The following LIN52 variants were observed in gnomAD, a reference collection of about 807,000 sequenced individuals.
LIN52 encodes the protein lin-52 DREAM MuvB core complex component, also known as protein lin-52 homolog.
LIN52 carries 4 observed loss-of-function variants against 18.5 expected under a neutral mutation model. The observed-to-expected ratio is 0.22, with a 90% confidence interval of 0.11 to 0.49. LIN52 has a LOEUF of 0.49. Ranked by LOEUF, LIN52 falls within the 20% of genes least tolerant of loss-of-function variation. The pLI, the probability that LIN52 is intolerant of heterozygous loss-of-function variation, is 0.97. For synonymous variants in LIN52, 34 were observed against 45.5 expected (o/e 0.75, Z 1.02); for missense variants, 102 against 139.5 (o/e 0.73, Z 1.35).
intron 1 of LIN52, among the ~76,000 whole-genome samples, chr14:74,088,486 G>A (rs768343567): frequency 6.6e-6 from 1 of 152,126 alleles, no homozygotes; most frequent in Non-Finnish European, 1.5e-5. Context: ...GCTTCCCAAA[G>A]CACTGGGATT....
chr14:74,169,124 T>C (rs1393004102), intron 5 of LIN52, among the ~76,000 whole-genome samples: 1 of 152,188 alleles, frequency 6.6e-6, no homozygotes, highest in Non-Finnish European at 1.5e-5. Flanking sequence ...GCCTTGAAAA[T>C]GAAGCACATT....
chr14:74,130,650 A>G (rs1168243375), intron 5 of LIN52, among the ~76,000 whole-genome samples: 1 of 123,684 alleles, frequency 8.1e-6, no homozygotes. Context: ...GCTGGAGTTC[A>G]GTGGTCTTGG....
At chr14:74,111,944 G>C (rs1250070615) in intron 5 of LIN52, among the ~76,000 whole-genome samples, 3 of 150,904 alleles carry the variant, frequency 2.0e-5, no homozygotes, top group Non-Finnish European at 3.0e-5. Context: ...GCAATGGCGT[G>C]ATCTCAGCTC....
At chr14:74,138,195 C>T (rs949496501) in intron 5 of LIN52, among the ~76,000 whole-genome samples, 2 of 152,140 alleles carry the variant, frequency 1.3e-5, no homozygotes, top group African/African-American at 4.8e-5. Context: ...GTGTTCCGCA[C>T]ATTCAGAAAA....
At chr14:74,119,580 T>C (rs556342534) in intron 5 of LIN52, among the ~76,000 whole-genome samples, 7 of 152,324 alleles carry the variant, frequency 4.6e-5, no homozygotes, top group African/African-American at 1.7e-4. Flanking sequence ...CCAAAGTGGT[T>C]ATATCAATTT....
At chr14:74,137,787 C>G (rs549915106) in intron 5 of LIN52, among the ~76,000 whole-genome samples, 3 of 152,024 alleles carry the variant, frequency 2.0e-5, no homozygotes, top group Non-Finnish European at 4.4e-5. Flanking sequence ...CATGAGCCAC[C>G]GCGCCTGGCC....
chr14:74,160,632 C>T (rs2024245), intron 5 of LIN52, among the ~76,000 whole-genome samples: 18,065 of 152,094 alleles, frequency 0.12, 1,290 homozygotes, highest in Admixed American at 0.19. Context: ...TAGGCCATAC[C>T]GGTTTTCAGA....
Position 74,164,004 on chromosome 14 carries a change from CAG to C in LIN52, c.284-34914_284-34913del, listed in dbSNP as rs754513084. On this transcript the variant is annotated intron_variant, in intron 5 of 5. Transcript: ENST00000555028. The stretch of plus-strand genomic sequence containing the variant: ...CTGAAATTTTTTTTTTTTTTTGAGA[CAG>C]AGACTCGTGCTGTCGACCAGGCTGG... Among the ~76,000 whole-genome samples, 52 of 148,196 alleles carry C rather than the reference CAG, an allele frequency of 3.5e-4. No homozygotes were observed. In the East Asian group the frequency reaches 5.9e-3, roughly 17 times the overall value.
At chr14:74,095,162 T>TG (rs1391783985) in intron 2 of LIN52, among the ~76,000 whole-genome samples, 1 of 149,428 alleles carries the variant, frequency 6.7e-6, no homozygotes, top group African/African-American at 2.5e-5. Context: ...TTTTTTTTTT[T>TG]TTTTTTTGAG....
Position 74,130,279 on chromosome 14 carries a change from T to TTTG in LIN52, c.283+29043_283+29044insGTT, listed in dbSNP as rs201275305. Among the ~76,000 whole-genome samples, 252 of 58,652 alleles carry TTTG rather than the reference T, an allele frequency of 4.3e-3. 13 individuals carry two copies. The highest frequency in any genetic ancestry group is 0.021 in the Middle Eastern group (3 of 142). The allele number at this position is 58,652 out of a possible 152,430, so 38.5% of individuals were successfully genotyped here. ...AATTTATTAGATAGGCATTTTTTGG[T>TTTG]TTTTTTTTTTTTTTTTTGAGACAGT... On this transcript the variant is annotated intron_variant, in intron 5 of 5. Transcript: ENST00000555028.
At chr14:74,136,477 C>G (rs554567321) in intron 5 of LIN52, among the ~76,000 whole-genome samples, 1 of 152,254 alleles carries the variant, frequency 6.6e-6, no homozygotes, top group South Asian at 2.1e-4. Flanking sequence ...AGTATGTATT[C>G]TAGCTTCACA....
chr14:74,137,246 G>A lies in LIN52; in HGVS notation c.283+36008G>A, dbSNP rs575935026. ...TTGGAAGTAAATTTCAGACATCATG[G>A]CACTTTACCCCTAAATGCTTAAGAA... On this transcript the variant is annotated intron_variant, in intron 5 of 5. Coordinates refer to ENST00000555028, the MANE Select transcript of LIN52 (RefSeq NM_001024674.3). Among the ~76,000 whole-genome samples, 18 of 149,800 alleles carry A rather than the reference G, an allele frequency of 1.2e-4. No individual in the cohort carries two copies. The South Asian group carries it at 3.8e-3, about 31-fold the overall frequency.
chr14:74,195,192 A>T (rs2078904336), intron 5 of LIN52, among the ~76,000 whole-genome samples: 1 of 151,676 alleles, frequency 6.6e-6, no homozygotes. Context: ...TCTATATAAC[A>T]CTCTCTCTCT....
intron 5 of LIN52, among the ~76,000 whole-genome samples, chr14:74,180,241 C>T (rs2061312479): frequency 3.3e-5 from 5 of 150,860 alleles, no homozygotes; most frequent in South Asian, 2.1e-4. Flanking sequence ...CAAACTTAAG[C>T]GCTCAAAGGA....
chr14:74,136,770 C>A (rs2139946722), intron 5 of LIN52, among the ~76,000 whole-genome samples: 1 of 152,250 alleles, frequency 6.6e-6, no homozygotes, highest in South Asian at 2.1e-4. Flanking sequence ...ATGATTCAAT[C>A]ACATGTCTCC....
chr14:74,108,202 GCTTT>G (rs138992205), intron 5 of LIN52, among the ~76,000 whole-genome samples: 8,899 of 152,194 alleles, frequency 0.058, 394 homozygotes, highest in Non-Finnish European at 0.081. Flanking sequence ...ATGTATCAGT[GCTTT>G]CTTTCTTTTT....
At chr14:74,097,723 A>G in intron 3 of LIN52, 71 bp from the exon 4 acceptor site, 2 of 1,175,704 alleles carry the variant, frequency 1.7e-6, no homozygotes, top group East Asian at 2.4e-5. Context: ...CCCAGGCTAC[A>G]CTTCTTATAA....
chr14:74,146,154 T>C (rs1489601085), intron 5 of LIN52, among the ~76,000 whole-genome samples: 1 of 152,322 alleles, frequency 6.6e-6, no homozygotes, highest in African/African-American at 2.4e-5. Flanking sequence ...GAATCCCATG[T>C]TTCCTGAATC....
intron 5 of LIN52, among the ~76,000 whole-genome samples, chr14:74,162,406 A>T (rs966864785): frequency 7.1e-6 from 1 of 141,552 alleles, no homozygotes; most frequent in Non-Finnish European, 1.5e-5. Flanking sequence ...AAACCAGGAG[A>T]TGTAGGTTGC....
Sources: allele counts gnomAD v4.1 joint callset (sites outside exome capture counted in the v4.1 genomes callset), GRCh38; gene constraint gnomAD v4.1.1; transcripts MANE v1.5; gene names NCBI Gene and HGNC (gene_info 2026-07-23, HGNC 2026-07-21).